The following PRKCZ variants were observed in gnomAD, a reference collection of about 807,000 sequenced individuals.
The protein encoded by PRKCZ is protein kinase C zeta, also known as protein kinase C zeta type.
PRKCZ carries 33 observed loss-of-function variants against 79.5 expected under a neutral mutation model. The ratio of observed to expected loss-of-function variants is 0.41; its 90% CI spans 0.31 to 0.55. The LOEUF (loss-of-function observed/expected upper bound fraction) is 0.55, where lower values mean the gene tolerates loss of function less well. PRKCZ is among the 20% of genes least tolerant of loss of function. The probability of loss-of-function intolerance (pLI) is 0.19; values close to 1 mark genes in which losing one functional copy is unlikely to be tolerated. For synonymous variants in PRKCZ, 342 were observed against 320.9 expected (o/e 1.07, Z -0.70); for missense variants, 578 against 813.5 (o/e 0.71, Z 3.52).
intron 10 of PRKCZ, among the ~76,000 whole-genome samples, chr1:2,167,605 TTTTTA>T (rs1293859110): frequency 2.6e-5 from 4 of 152,138 alleles, no homozygotes; most frequent in Non-Finnish European, 4.4e-5. Context: ...GTTTTTTGTA[TTTTTA>T]TTTTATTCTT....
intron 4 of PRKCZ, among the ~76,000 whole-genome samples, chr1:2,076,923 A>G (rs1006788410): frequency 6.6e-6 from 1 of 152,120 alleles, no homozygotes; most frequent in Non-Finnish European, 1.5e-5. Context: ...TCTCCTGAAC[A>G]CGCGAAGGAG....
chr1:2,049,672 C>T (rs1471444183), upstream of PRKCZ: 1 of 152,446 alleles, frequency 6.6e-6, no homozygotes, highest in African/African-American at 2.4e-5. Context: ...ATGGGCTGAT[C>T]AGGGAAAACC....
chr1:2,085,293 C>A (rs1664290927), intron 4 of PRKCZ, among the ~76,000 whole-genome samples: 1 of 152,250 alleles, frequency 6.6e-6, no homozygotes, highest in Non-Finnish European at 1.5e-5. Flanking sequence ...TGGTAGCACA[C>A]AGAAGGTCCC....
chr1:2,059,004 A>G (rs1429068216), intron 3 of PRKCZ, among the ~76,000 whole-genome samples: 2 of 151,984 alleles, frequency 1.3e-5, no homozygotes, highest in Admixed American at 1.3e-4. Context: ...CATGTTGGCC[A>G]GGCTGGTCTT....
Position 2,121,518 on chromosome 1 carries a change from A to AGGGTC in PRKCZ, c.335-13744_335-13743insGGGTC, listed in dbSNP as rs1166242507. ...GGTAGTTAGGATCATGGTGGTACTT[A>AGGGTC]AGGTCATGGCAGTAGTTAGGGTTAT... On this transcript the variant is annotated intron_variant, in intron 4 of 17. Coordinates refer to ENST00000378567, the MANE Select transcript of PRKCZ (RefSeq NM_002744.6). 2.7e-3 allele frequency among the ~76,000 whole-genome samples: 357 copies of AGGGTC among 133,508 alleles called. 39 individuals carry two copies. The East Asian group carries it at 0.068, about 25-fold the overall frequency. The allele number at this position is 133,508 out of a possible 152,430, so 87.6% of individuals were successfully genotyped here. A position where few individuals can be genotyped will look rare whatever the true frequency, so the allele number is the denominator to read the frequency against.
intron 4 of PRKCZ, among the ~76,000 whole-genome samples, chr1:2,080,856 A>G (rs1400369494): frequency 6.6e-6 from 1 of 152,148 alleles, no homozygotes; most frequent in African/African-American, 2.4e-5. Flanking sequence ...TCGTAGTTTT[A>G]AGGAGGGCTG....
chr1:2,093,413 T>C (rs1438766300), intron 4 of PRKCZ, among the ~76,000 whole-genome samples: 2 of 152,134 alleles, frequency 1.3e-5, no homozygotes, highest in Non-Finnish European at 2.9e-5. Context: ...TTTTTCTGCC[T>C]GACCCTGCTT....
At chr1:2,154,132 C>T (rs535657559) in intron 9 of PRKCZ, among the ~76,000 whole-genome samples, 12 of 152,144 alleles carry the variant, frequency 7.9e-5, no homozygotes, top group Admixed American at 1.3e-4. Context: ...CACTGGGGGA[C>T]GGGTGGTGGC....
intron 4 of PRKCZ, chr1:2,071,346 C>T (rs751142087): frequency 1.9e-5 from 9 of 468,852 alleles, no homozygotes; most frequent in Non-Finnish European, 3.4e-5. Context: ...TGTTCCAGGC[C>T]CCGGCGGCGT....
intron 4 of PRKCZ, among the ~76,000 whole-genome samples, chr1:2,063,845 CTTT>C (rs551194608): frequency 3.2e-5 from 4 of 124,480 alleles, no homozygotes; most frequent in Admixed American, 8.1e-5. Flanking sequence ...TTGGCCATTT[CTTT>C]TTTTTTTTTT....
At chr1:2,154,217 C>T (rs774393733) in intron 9 of PRKCZ, among the ~76,000 whole-genome samples, 4 of 152,040 alleles carry the variant, frequency 2.6e-5, no homozygotes, top group Admixed American at 6.6e-5. Flanking sequence ...TGCGGGCTGG[C>T]GAGGAGCTCG....
intron 5 of PRKCZ, among the ~76,000 whole-genome samples, chr1:2,139,765 A>AT (rs1676950561): frequency 6.6e-6 from 1 of 152,236 alleles, no homozygotes; most frequent in Non-Finnish European, 1.5e-5. Context: ...ATCACCCGTC[A>AT]TTCGGAGGTT....
intron 4 of PRKCZ, among the ~76,000 whole-genome samples, chr1:2,086,567 C>T (rs1312119154): frequency 6.6e-6 from 1 of 152,220 alleles, no homozygotes; most frequent in Non-Finnish European, 1.5e-5. Flanking sequence ...CCCCTCGGCC[C>T]TTTCTGCTCC....
intron 4 of PRKCZ, chr1:2,074,601 G>A (rs1180475547): frequency 2.1e-6 from 1 of 482,544 alleles, no homozygotes; most frequent in Non-Finnish European, 3.7e-6. Flanking sequence ...TCCGTCTCGA[G>A]CCTGCCCTCC....
chr1:2,150,268 G>A (rs985547414), intron 8 of PRKCZ, among the ~76,000 whole-genome samples: 1 of 152,248 alleles, frequency 6.6e-6, no homozygotes, highest in East Asian at 1.9e-4. Flanking sequence ...TAGCTTGCGG[G>A]AGGCAGAGGC....
At chr1:2,056,878 G>A (rs572705058) in intron 3 of PRKCZ, among the ~76,000 whole-genome samples, 12 of 151,740 alleles carry the variant, frequency 7.9e-5, no homozygotes, top group Admixed American at 2.0e-4. Context: ...ACAGGCGCCC[G>A]CCACCACGCC....
intron 4 of PRKCZ, among the ~76,000 whole-genome samples, chr1:2,063,017 T>C (rs571799404): frequency 6.6e-6 from 1 of 151,030 alleles, no homozygotes; most frequent in Non-Finnish European, 1.5e-5. Context: ...GTGAGTGGAA[T>C]CGCACAGGAT....
At chr1:2,056,648 G>C in intron 3 of PRKCZ, 75 bp downstream of exon 3, 1 of 1,332,888 alleles carries the variant, frequency 7.5e-7, no homozygotes, top group Non-Finnish European at 1.0e-6. Context: ...CTAGCTGGGG[G>C]ATTTAAAATG....
At chr1:2,091,602 G>A (rs539571525) in intron 4 of PRKCZ, among the ~76,000 whole-genome samples, 8 of 152,274 alleles carry the variant, frequency 5.3e-5, no homozygotes, top group South Asian at 4.2e-4. Flanking sequence ...TGCCTCTCCC[G>A]GTGGTTGGTG....
Sources: gnomAD v4.1 joint callset for allele counts (sites outside exome capture counted in the v4.1 genomes callset) on GRCh38, gnomAD v4.1.1 for gene constraint, MANE v1.5 for transcripts, NCBI Gene and HGNC (gene_info 2026-07-23, HGNC 2026-07-21) for gene names.